The following RABGAP1 variants were observed in gnomAD, a reference collection of about 807,000 sequenced individuals.
RABGAP1 encodes rab GTPase-activating protein 1.
Under a neutral mutation model 137.6 loss-of-function variants are expected in RABGAP1, and 23 were observed. The observed-to-expected ratio is 0.17, with a 90% CI of 0.12 to 0.24. The LOEUF (loss-of-function observed/expected upper bound fraction) is 0.24. RABGAP1 is among the 10% of genes least tolerant of loss of function. The pLI, the probability that RABGAP1 is intolerant of heterozygous loss-of-function variation, is 1.00. For synonymous variants in RABGAP1, 451 were observed against 450.7 expected (o/e 1.00, Z -0.01); for missense variants, 906 against 1,275.8 (o/e 0.71, Z 4.42).
chr9:123,057,786 T>A (rs946343169), intron 13 of RABGAP1, among the ~76,000 whole-genome samples: 1 of 152,160 alleles, frequency 6.6e-6, no homozygotes, highest in Admixed American at 6.5e-5. Flanking sequence ...TGAACGAGAC[T>A]CCGTCTGCAA....
At chr9:122,979,938 G>C (rs1835960480) in intron 2 of RABGAP1, among the ~76,000 whole-genome samples, 1 of 152,204 alleles carries the variant, frequency 6.6e-6, no homozygotes, top group South Asian at 2.1e-4. Flanking sequence ...GCCCTACTAA[G>C]AGTGGGTTTA....
In RABGAP1 at chr9:123,034,763, A is replaced by G. The variant is rs144345942; in HGVS notation, c.1794+14304A>G. The stretch of plus-strand genomic sequence containing the variant: ...TTGTTGAACCATCACACTACAAGTT[A>G]TTTTATCCAGACTATGGCATATGCT... On this transcript the variant is annotated intron_variant, in intron 13 of 25. Transcript: ENST00000373647. The G allele has an allele frequency of 1.7e-5, 27 of 1,613,896 alleles. No homozygotes were observed. The Admixed American group carries it at 3.2e-4, about 19-fold the overall frequency.
intron 2 of RABGAP1, among the ~76,000 whole-genome samples, chr9:122,958,451 C>T (rs568377544): frequency 2.6e-5 from 4 of 152,170 alleles, no homozygotes; most frequent in South Asian, 2.1e-4. Flanking sequence ...CAGTGAACAA[C>T]GTTATGATTG....
Position 123,069,512 on chromosome 9 carries a change from AGGATC to A in RABGAP1, c.1909-837_1909-833del, listed in dbSNP as rs531855401. Among the ~76,000 whole-genome samples, 85 of 151,830 alleles carry A rather than the reference AGGATC, an allele frequency of 5.6e-4. No individual in the cohort carries two copies. The South Asian group carries it at 0.011, about 20-fold the overall frequency. ...TAGCAGTTTGTGAGGCTGAGGCAGTAGGATCACTTGAGCTTAGGAGTTTGAGACCA... is the reference window on the plus strand; with the variant it reads ...TAGCAGTTTGTGAGGCTGAGGCAGTAACTTGAGCTTAGGAGTTTGAGACCA... On this transcript the variant is annotated intron_variant, in intron 14 of 25. Transcript: ENST00000373647.
chr9:122,951,810 C>T (rs1436778589), intron 1 of RABGAP1, among the ~76,000 whole-genome samples: 3 of 152,198 alleles, frequency 2.0e-5, no homozygotes, highest in East Asian at 1.9e-4. Context: ...TGGCCTCAAG[C>T]GACCCTCCCA....
At chr9:123,073,307 T>G (rs937107276) in intron 15 of RABGAP1, among the ~76,000 whole-genome samples, 8 of 152,220 alleles carry the variant, frequency 5.3e-5, no homozygotes, top group Admixed American at 5.2e-4. Flanking sequence ...ATTTTAATAC[T>G]GGCTGTGTGA....
At chr9:122,958,693 T>A (rs577054182) in intron 2 of RABGAP1, among the ~76,000 whole-genome samples, 72 of 151,774 alleles carry the variant, frequency 4.7e-4, no homozygotes, top group Admixed American at 1.3e-3. Flanking sequence ...AAGTATAATT[T>A]TAAAAAAAAA....
chr9:122,983,839 A>G (rs773669474), intron 2 of RABGAP1, among the ~76,000 whole-genome samples: 3 of 152,222 alleles, frequency 2.0e-5, no homozygotes, highest in Non-Finnish European at 4.4e-5. Flanking sequence ...CTTGTTGAGG[A>G]ACTAGTAATA....
chr9:123,056,864 T>A (rs1191275674), intron 13 of RABGAP1, among the ~76,000 whole-genome samples: 5 of 152,214 alleles, frequency 3.3e-5, no homozygotes, highest in Non-Finnish European at 7.3e-5. Context: ...ATGAAAAGTC[T>A]CCCATGTCTA....
At chr9:123,023,227 C>T (rs762515292) in intron 13 of RABGAP1, among the ~76,000 whole-genome samples, 5 of 152,112 alleles carry the variant, frequency 3.3e-5, no homozygotes, top group Admixed American at 6.6e-5. Flanking sequence ...GTCACCGAGG[C>T]TGGAGTGCAG....
At chr9:122,937,280 A>G (rs1348827783), upstream of RABGAP1, among the ~76,000 whole-genome samples, 1 of 152,254 alleles carries the variant, frequency 6.6e-6, no homozygotes, top group East Asian at 1.9e-4. Context: ...AAGGCTTTAA[A>G]ACAACTATTT....
chr9:122,965,159 TAA>T (rs1277474376), intron 2 of RABGAP1, among the ~76,000 whole-genome samples: 1 of 152,160 alleles, frequency 6.6e-6, no homozygotes, highest in African/African-American at 2.4e-5. Flanking sequence ...TATTAAGCCA[TAA>T]AATACTGATA....
chr9:122,935,845 A>G (rs1451008093), upstream of RABGAP1, among the ~76,000 whole-genome samples: 1 of 152,228 alleles, frequency 6.6e-6, no homozygotes, highest in Non-Finnish European at 1.5e-5. Flanking sequence ...CTTGAAGGGC[A>G]GGAATGCTGG....
intron 23 of RABGAP1, 144 bp from the exon 24 acceptor site, chr9:123,099,334 A>T: frequency 1.4e-6 from 1 of 720,734 alleles, no homozygotes; most frequent in Non-Finnish European, 2.3e-6. Flanking sequence ...CTGCTTATCC[A>T]TCGACTTCAT....
intron 24 of RABGAP1, among the ~76,000 whole-genome samples, chr9:123,099,923 GTGT>G: frequency 6.6e-6 from 1 of 152,350 alleles, no homozygotes. Context: ...TCACTTTCCA[GTGT>G]TGTTCTGAGT....
chr9:123,097,785 C>A lies in RABGAP1; in HGVS notation c.2673C>A (p.Thr891=). 1 of 1,613,832 alleles carries A rather than the reference C, an allele frequency of 6.2e-7. No homozygotes were observed. The highest frequency in any genetic ancestry group is 8.5e-7 in the Non-Finnish European group (1 of 1,179,904). Reference sequence around the variant, plus strand: ...CTCTGAATAAGGAGCTGCTGATGACCAAACAGAAGTTGATTGATGCAGAAG... The same window carrying A: ...CTCTGAATAAGGAGCTGCTGATGACAAAACAGAAGTTGATTGATGCAGAAG... The part of the protein sequence containing the change: ...ADALNKELLM[T]KQKLIDAEEE... The change falls in exon 22 of 26, where the codon ACC becomes ACA. Residue 891 remains threonine, a synonymous_variant. Transcript: ENST00000373647.
At chr9:122,956,714 C>G (rs1834547666) in intron 1 of RABGAP1, among the ~76,000 whole-genome samples, 1 of 151,188 alleles carries the variant, frequency 6.6e-6, no homozygotes, top group Non-Finnish European at 1.5e-5. Flanking sequence ...TTTTTGGAGG[C>G]TAAGACTTGA....
intron 1 of RABGAP1, among the ~76,000 whole-genome samples, chr9:122,948,509 A>G (rs1450709706): frequency 6.6e-6 from 1 of 152,202 alleles, no homozygotes; most frequent in Non-Finnish European, 1.5e-5. Flanking sequence ...GTAATAATGC[A>G]AGTAAAACTT....
At chr9:122,960,151 T>C (rs1047595977) in intron 2 of RABGAP1, among the ~76,000 whole-genome samples, 22 of 152,230 alleles carry the variant, frequency 1.4e-4, no homozygotes, top group African/African-American at 5.1e-4. Flanking sequence ...ATAGATGTGC[T>C]CATTTGCCTG....
Sources: gnomAD v4.1 joint callset for allele counts (sites outside exome capture counted in the v4.1 genomes callset) on GRCh38, gnomAD v4.1.1 for gene constraint, MANE v1.5 for transcripts, NCBI Gene and HGNC (gene_info 2026-07-23, HGNC 2026-07-21) for gene names.